FGGY: variants seen among roughly 807,000 people sequenced by gnomAD.
The protein encoded by FGGY is FGGY carbohydrate kinase domain-containing protein.
A neutral mutation model predicts 71.3 loss-of-function variants in FGGY; 72 were observed. That is an observed-to-expected ratio of 1.01 (90% CI 0.84 to 1.23). The LOEUF (loss-of-function observed/expected upper bound fraction) is 1.23. Ranked by LOEUF, FGGY falls within the 50% of genes most tolerant of loss-of-function variation. FGGY has a pLI of 0.00. For synonymous variants in FGGY, 251 were observed against 250.3 expected, an observed-to-expected ratio of 1.00 and a Z score of -0.02; for missense variants, 668 against 682.3, an observed-to-expected ratio of 0.98 and a Z score of 0.23.
chr1:59,506,685 G>A (rs2094392485), intron 6 of FGGY, among the ~76,000 whole-genome samples: 1 of 152,142 alleles, frequency 6.6e-6, no homozygotes, highest in African/African-American at 2.4e-5. Flanking sequence ...CGTAGTCCCA[G>A]CAACTTGAGA....
chr1:59,587,963 T>G (rs575985317), intron 8 of FGGY, among the ~76,000 whole-genome samples: 130 of 152,058 alleles, frequency 8.5e-4, no homozygotes, highest in African/African-American at 3.0e-3. Context: ...CTTTGACGAG[T>G]TGAGAGAAGG....
intron 4 of FGGY, among the ~76,000 whole-genome samples, chr1:59,373,980 G>A (rs908986083): frequency 6.6e-6 from 1 of 152,162 alleles, no homozygotes; most frequent in Non-Finnish European, 1.5e-5. Context: ...TACCATTCAG[G>A]ACATAGGCAT....
chr1:59,641,470 C>G, intron 11 of FGGY: 1 of 750,464 alleles, frequency 1.3e-6, no homozygotes, highest in Non-Finnish European at 2.2e-6. Flanking sequence ...AAGTACCTAT[C>G]CTAAGTTCAC....
At chr1:59,548,889 G>A (rs1441548762) in intron 7 of FGGY, among the ~76,000 whole-genome samples, 2 of 152,114 alleles carry the variant, frequency 1.3e-5, no homozygotes, top group African/African-American at 4.8e-5. Flanking sequence ...CTGTGAGGAG[G>A]ATACTATTCA....
chr1:59,617,171 C>T (rs774235144), intron 9 of FGGY, among the ~76,000 whole-genome samples: 2 of 151,756 alleles, frequency 1.3e-5, no homozygotes, highest in African/African-American at 2.4e-5. Flanking sequence ...ATGGTTTCAA[C>T]GATGCCACAC....
At chr1:59,536,366 C>T (rs936807906) in intron 7 of FGGY, among the ~76,000 whole-genome samples, 2 of 152,140 alleles carry the variant, frequency 1.3e-5, no homozygotes, top group African/African-American at 4.8e-5. Flanking sequence ...AAGTCCAGGA[C>T]CAGATGGATT....
At chr1:59,718,289 C>T (rs148931261) in intron 14 of FGGY, among the ~76,000 whole-genome samples, 29 of 152,254 alleles carry the variant, frequency 1.9e-4, no homozygotes, top group Admixed American at 3.9e-4. Context: ...CAACCATAAA[C>T]CTCCTCCTGT....
intron 11 of FGGY, among the ~76,000 whole-genome samples, chr1:59,650,965 G>C (rs374909572): frequency 6.6e-6 from 1 of 150,856 alleles, no homozygotes. Flanking sequence ...TGTTCTCGTT[G>C]GTTTCAAAGA....
At chr1:59,354,717 G>A (rs2053956327) in intron 4 of FGGY, among the ~76,000 whole-genome samples, 1 of 152,156 alleles carries the variant, frequency 6.6e-6, no homozygotes, top group Non-Finnish European at 1.5e-5. Flanking sequence ...GTGAATGAGT[G>A]GGATAAGGGC....
At chr1:59,612,837 G>A (rs577449210) in intron 9 of FGGY, among the ~76,000 whole-genome samples, 2,553 of 152,076 alleles carry the variant, frequency 0.017, 45 homozygotes, top group Non-Finnish European at 0.026. Flanking sequence ...AAAAGGCAGG[G>A]GTTGCAATCC....
intron 7 of FGGY, among the ~76,000 whole-genome samples, chr1:59,551,846 A>G (rs1392448025): frequency 6.6e-6 from 1 of 152,190 alleles, no homozygotes. Context: ...AAAAGAGCTC[A>G]GTTAAAATGA....
At chr1:59,682,467 C>T (rs1056044720) in intron 14 of FGGY, among the ~76,000 whole-genome samples, 1 of 152,138 alleles carries the variant, frequency 6.6e-6, no homozygotes, top group Admixed American at 6.5e-5. Flanking sequence ...GTCATAGAGA[C>T]ATAGAGAAAT....
intron 5 of FGGY, among the ~76,000 whole-genome samples, chr1:59,400,408 A>G (rs750587985): frequency 4.5e-4 from 69 of 152,336 alleles, no homozygotes; most frequent in Non-Finnish European, 7.9e-4. Context: ...TCTCACCTGA[A>G]TATCAGTGTC....
At chr1:59,432,533 G>T (rs1485694252) in intron 5 of FGGY, among the ~76,000 whole-genome samples, 1 of 152,176 alleles carries the variant, frequency 6.6e-6, no homozygotes, top group East Asian at 1.9e-4. Context: ...AAGAGTTAGA[G>T]TATTGGTTAG....
intron 4 of FGGY, among the ~76,000 whole-genome samples, chr1:59,359,183 TGAC>T (rs1241109729): frequency 3.3e-5 from 5 of 152,246 alleles, no homozygotes; most frequent in African/African-American, 1.2e-4. Context: ...TTCTTAATAA[TGAC>T]TTTATTTTTC....
At chr1:59,445,977 A>G (rs2071143512) in intron 5 of FGGY, among the ~76,000 whole-genome samples, 1 of 152,300 alleles carries the variant, frequency 6.6e-6, no homozygotes, top group Non-Finnish European at 1.5e-5. Flanking sequence ...GAGCCTCAGT[A>G]TTCTCTTCTG....
intron 8 of FGGY, among the ~76,000 whole-genome samples, chr1:59,577,930 A>C (rs2096112855): frequency 6.6e-6 from 1 of 152,114 alleles, no homozygotes; most frequent in Non-Finnish European, 1.5e-5. Flanking sequence ...AGCCACATGT[A>C]ACAGAATGTT....
intron 4 of FGGY, among the ~76,000 whole-genome samples, chr1:59,377,078 T>C (rs1371619540): frequency 6.6e-6 from 1 of 152,088 alleles, no homozygotes; most frequent in Non-Finnish European, 1.5e-5. Context: ...CAAGTGCTTG[T>C]AGTAAGGGGA....
At chr1:59,567,555 T>C (rs896672871) in intron 8 of FGGY, among the ~76,000 whole-genome samples, 3 of 152,052 alleles carry the variant, frequency 2.0e-5, no homozygotes. Flanking sequence ...TATTCTCCTA[T>C]CATCTGTTTG....
Sources: allele counts gnomAD v4.1 joint callset (sites outside exome capture counted in the v4.1 genomes callset), GRCh38; gene constraint gnomAD v4.1.1; transcripts MANE v1.5; gene names NCBI Gene and HGNC (gene_info 2026-07-23, HGNC 2026-07-21).